The following FBXO24 variants were observed in gnomAD, a reference collection of about 807,000 sequenced individuals.
The protein encoded by FBXO24 is F-box only protein 24.
In FBXO24, 30 loss-of-function variants were observed where a neutral mutation model predicts 63.5. That is an observed-to-expected ratio of 0.47 (90% confidence interval 0.35 to 0.64). The LOEUF (loss-of-function observed/expected upper bound fraction) is 0.64, where lower values mean the gene tolerates loss of function less well. FBXO24 is among the 30% of genes least tolerant of loss of function. The probability of loss-of-function intolerance (pLI) is 0.00; values close to 1 mark genes in which losing one functional copy is unlikely to be tolerated. For missense variants in FBXO24, 624 were observed against 763.4 expected, an observed-to-expected ratio of 0.82 and a Z score of 2.15; for synonymous variants, 300 against 305.0, an observed-to-expected ratio of 0.98 and a Z score of 0.17.
intron 1 of FBXO24, 112 bp from the exon 2 acceptor site, chr7:100,589,865 G>A (rs899580077): frequency 6.5e-7 from 1 of 1,547,482 alleles, no homozygotes; most frequent in South Asian, 1.2e-5. Context: ...GGAGAGAGAG[G>A]GGAGGAAATA....
chr7:100,600,981 T>A lies in FBXO24; in HGVS notation c.*82T>A. On this transcript the variant is annotated 3_prime_UTR_variant, in exon 10 of 10. Coordinates refer to ENST00000241071, the MANE Select transcript of FBXO24 (RefSeq NM_033506.3). The surrounding 1 kb of genome is among the most constrained non-coding windows in gnomAD (Gnocchi z 6.3). ...TAAGGAGCAATGACCATTGTGCACA[T>A]GCGTGTGGGAAGGGGTTGCTAGGGG... 6.9e-7 allele frequency: 1 copy of A among 1,440,776 alleles called. No homozygotes were observed. Among genetic ancestry groups the A allele is most frequent in the Non-Finnish European group, 9.3e-7 (1 of 1,070,738 alleles). The allele number at this position is 1,440,776 out of a possible 1,614,324, so 89.2% of individuals were successfully genotyped here.
intron 8 of FBXO24, among the ~76,000 whole-genome samples, chr7:100,599,020 C>T (rs73156215): frequency 1.9e-4 from 28 of 150,578 alleles, no homozygotes; most frequent in South Asian, 1.5e-3. Context: ...GTGGGAGGCC[C>T]GGAGTTCGAG....
chr7:100,589,954 C>T (rs1478969278), intron 1 of FBXO24, 23 bp from the exon 2 acceptor site: 1 of 1,606,288 alleles, frequency 6.2e-7, no homozygotes, highest in Non-Finnish European at 8.5e-7. Flanking sequence ...CTCATGGGAC[C>T]CTATGCACCC....
In FBXO24 at chr7:100,586,595, T is replaced by G; in HGVS notation, c.-31T>G. 1 of 1,613,708 alleles carries G rather than the reference T, an allele frequency of 6.2e-7. No individual in the cohort carries two copies. On this transcript the variant is annotated 5_prime_UTR_variant, in exon 1 of 10. Transcript: ENST00000241071. ...CCGAAGGGAATCTGGACCTGCCTCT[T>G]CTCTGAGGGACGGCTCTACCTACCA...
chr7:100,590,442 A>C, intron 3 of FBXO24, 85 bp downstream of exon 3: 2 of 1,385,430 alleles, frequency 1.4e-6, no homozygotes, highest in African/African-American at 2.9e-5. Context: ...GATGACCCCC[A>C]CACTCCCAAC....
chr7:100,596,311 C>T (rs1426308327), intron 8 of FBXO24, among the ~76,000 whole-genome samples: 2 of 152,052 alleles, frequency 1.3e-5, no homozygotes, highest in East Asian at 1.9e-4. Flanking sequence ...AGCAGGGCAT[C>T]GTGGGTTACA....
chr7:100,591,888 C>T lies in FBXO24; in HGVS notation c.544C>T (p.Arg182Cys), dbSNP rs1168995810. Residue 182 changes from arginine to cysteine, a missense_variant, in exon 4 of 10, where the codon CGT becomes TGT. Physicochemically the swap from Arg to Cys is radical, Grantham distance 180. This residue lies in a region of FBXO24 where 391 missense variants were observed against 469.1 expected (regional missense o/e 0.83). Coordinates refer to ENST00000241071, the MANE Select transcript of FBXO24 (RefSeq NM_033506.3). ...KRACRYVVLC[R>C]GAKDFASDPR... ...GGCCTGTCGCTATGTTGTGTTGTGT[C>T]GTGGAGCCAAGGATGTGAGTAGCAG... 3.1e-6 allele frequency: 5 copies of T among 1,614,164 alleles called. No homozygotes were observed. The highest frequency in any genetic ancestry group is 2.2e-5 in the South Asian group (2 of 91,066).
rs190595388 is a variant in FBXO24 at position 100,601,043 on chromosome 7, G to A, written c.*144G>A. The A allele has an allele frequency of 0.017, 21,800 of 1,270,952 alleles. 223 individuals are homozygous for A. The highest frequency in any genetic ancestry group is 0.02 in the Non-Finnish European group (18,447 of 944,156). 78.7% of individuals were successfully genotyped at this position (1,270,952 alleles called of 1,614,324 possible). On this transcript the variant is annotated 3_prime_UTR_variant, in exon 10 of 10. Coordinates refer to ENST00000241071, the MANE Select transcript of FBXO24 (RefSeq NM_033506.3). The stretch of plus-strand genomic sequence containing the variant: ...TAACCAGGGTAAGAATGTTCAGGGG[G>A]CTGCCCAGGAGGGGCCCCCAACCTG...
rs922824519 is a variant in FBXO24, at chr7:100,600,427, G to T, written c.1378-107G>T. 10 of 1,510,054 alleles carry T rather than the reference G, an allele frequency of 6.6e-6. No homozygotes were observed. Among genetic ancestry groups the T allele is most frequent in the African/African-American group, 1.4e-5 (1 of 71,436 alleles). The allele number at this position is 1,510,054 out of a possible 1,614,324, so 93.5% of individuals were successfully genotyped here. The stretch of plus-strand genomic sequence containing the variant: ...ACCCCTGGGACTTAGCCGGCTCAGG[G>T]CTGGTGTGAGAGGGAAGAATGCAAT... On this transcript the variant is annotated intron_variant, in intron 9 of 9. Transcript: ENST00000241071. The surrounding 1 kb of genome is among the most constrained non-coding windows in gnomAD (Gnocchi z 6.3).
At chr7:100,596,082 A>T (rs951494545) in intron 8 of FBXO24, among the ~76,000 whole-genome samples, 9 of 152,162 alleles carry the variant, frequency 5.9e-5, no homozygotes, top group Non-Finnish European at 1.2e-4. Flanking sequence ...GTTCTAGACC[A>T]GCCTGGGCAA....
In FBXO24 at chr7:100,597,894, T is replaced by G. The variant is rs1249432270; in HGVS notation, c.1207-2137T>G. 4.4e-5 allele frequency among the ~76,000 whole-genome samples: 4 copies of G among 91,906 alleles called. No homozygotes were observed. In the East Asian group the frequency reaches 6.3e-4, roughly 14 times the overall value. 60.3% of individuals were successfully genotyped at this position (91,906 alleles called of 152,430 possible). A position where few individuals can be genotyped will look rare whatever the true frequency, so the allele number is the denominator to read the frequency against. On this transcript the variant is annotated intron_variant, in intron 8 of 9. Transcript: ENST00000241071. ...GTTTTTGTTTTTTTTGTTTTTTTTG[T>G]TTTTTTTTTTTTTAGAGACAGGGTC...
At chr7:100,590,687 G>A (rs1456334486) in intron 3 of FBXO24, among the ~76,000 whole-genome samples, 1 of 152,152 alleles carries the variant, frequency 6.6e-6, no homozygotes, top group Non-Finnish European at 1.5e-5. Flanking sequence ...TTGATATTCT[G>A]GGCAAAATAA....
intron 8 of FBXO24, among the ~76,000 whole-genome samples, chr7:100,596,312 G>A (rs1802306806): frequency 2.0e-5 from 3 of 152,166 alleles, no homozygotes; most frequent in African/African-American, 2.4e-5. Flanking sequence ...GCAGGGCATC[G>A]TGGGTTACAT....
chr7:100,597,697 T>C (rs937688383), intron 8 of FBXO24, among the ~76,000 whole-genome samples: 3 of 151,296 alleles, frequency 2.0e-5, no homozygotes, highest in Non-Finnish European at 4.4e-5. Flanking sequence ...CCCAGCCTCT[T>C]TTTATTTTTA....
At position 100,591,031 on chromosome 7, in the gene FBXO24, ATTTTTT is replaced by A. The variant is rs930978218; in HGVS notation, c.323-617_323-612del. 1.6e-4 allele frequency among the ~76,000 whole-genome samples: 14 copies of A among 86,680 alleles called. No homozygotes were observed. In the South Asian group the frequency reaches 4.1e-3, roughly 26 times the overall value. 56.9% of individuals were successfully genotyped at this position (86,680 alleles called of 152,430 possible). A position where few individuals can be genotyped will look rare whatever the true frequency, so the allele number is the denominator to read the frequency against. ...CTTCTCTTTTCTTTCTTTTTCTTTG[ATTTTTT>A]TTTTTTTTTTTTTTTTTTGAGACAG... On this transcript the variant is annotated intron_variant, in intron 3 of 9. Transcript: ENST00000241071.
intron 1 of FBXO24, chr7:100,586,898 GACCCCCGGGCT>G: frequency 2.9e-6 from 1 of 349,306 alleles, no homozygotes; most frequent in South Asian, 2.1e-5. Context: ...GGGGTCTCGG[GACCCCCGGGCT>G]GGGGGCGGGC....
chr7:100,594,561 G>T lies in FBXO24; in HGVS notation c.952+20G>T. 2 of 1,551,116 alleles carry T rather than the reference G, an allele frequency of 1.3e-6. No homozygotes were observed. The highest frequency in any genetic ancestry group is 1.7e-6 in the Non-Finnish European group (2 of 1,145,808). On this transcript the variant is annotated intron_variant, in intron 6 of 9. Coordinates refer to ENST00000241071, the MANE Select transcript of FBXO24 (RefSeq NM_033506.3). This position sits in a 1 kb window ranked among gnomAD's most constrained non-coding sequence, Gnocchi z 4.2. Reference sequence around the variant, plus strand: ...TCACAGGTATGGACCACCTCCCCCCGGCTCAAGCCCGCAGCCTTGGTTAGA... The same window carrying T: ...TCACAGGTATGGACCACCTCCCCCCTGCTCAAGCCCGCAGCCTTGGTTAGA...
chr7:100,588,703 A>T (rs1038939209), intron 1 of FBXO24, among the ~76,000 whole-genome samples: 3 of 152,188 alleles, frequency 2.0e-5, no homozygotes, highest in African/African-American at 7.2e-5. Context: ...CAAAGCTAAT[A>T]TCAGAGACCC....
intron 1 of FBXO24, among the ~76,000 whole-genome samples, chr7:100,587,744 C>G (rs981962974): frequency 6.6e-6 from 1 of 151,478 alleles, no homozygotes; most frequent in African/African-American, 2.4e-5. Flanking sequence ...GGACCACGGG[C>G]GGCACCACTG....
Sources: allele counts gnomAD v4.1 joint callset (sites outside exome capture counted in the v4.1 genomes callset), GRCh38; gene constraint gnomAD v4.1.1; regional missense constraint gnomAD v4.1.1; non-coding constraint Gnocchi (gnomAD v3.1); transcripts MANE v1.5; gene names NCBI Gene and HGNC (gene_info 2026-07-23, HGNC 2026-07-21).